The following MECOM variants were observed in gnomAD, a reference collection of about 807,000 sequenced individuals.
MECOM encodes the protein MDS1 and EVI1 complex locus.
Under a neutral mutation model 116.3 loss-of-function variants are expected in MECOM, and 13 were observed. The ratio of observed to expected loss-of-function variants is 0.11; its 90% CI spans 0.07 to 0.18. MECOM has a LOEUF of 0.18. Among genes scored for constraint, MECOM ranks in the 10% least tolerant of loss-of-function variants. MECOM has a pLI of 1.00. For missense variants in MECOM, 1,299 were observed against 1,509.0 expected, an observed-to-expected ratio of 0.86 and a Z score of 2.31; for synonymous variants, 528 against 535.2, an observed-to-expected ratio of 0.99 and a Z score of 0.19.
intron 1 of MECOM, among the ~76,000 whole-genome samples, chr3:169,518,139 G>A (rs996728853): frequency 2.0e-5 from 3 of 152,022 alleles, no homozygotes; most frequent in Admixed American, 2.0e-4. Flanking sequence ...GGCGCCTGTG[G>A]TTCCAGCTAC....
chr3:169,484,447 A>T (rs1751848320), intron 1 of MECOM, among the ~76,000 whole-genome samples: 1 of 152,152 alleles, frequency 6.6e-6, no homozygotes, highest in African/African-American at 2.4e-5. Flanking sequence ...TCAGCAAAAG[A>T]TATTTATTTC....
At chr3:169,463,420 G>A (rs915958591) in intron 1 of MECOM, among the ~76,000 whole-genome samples, 1 of 152,132 alleles carries the variant, frequency 6.6e-6, no homozygotes, top group Non-Finnish European at 1.5e-5. Flanking sequence ...GTACAAAATG[G>A]AGCTTGGCAT....
chr3:169,609,497 C>T (rs1287197831), intron 1 of MECOM, among the ~76,000 whole-genome samples: 1 of 151,334 alleles, frequency 6.6e-6, no homozygotes, highest in African/African-American at 2.4e-5. Context: ...AAACATAGCC[C>T]AATTTCCAAA....
At chr3:169,550,680 G>T (rs1395147685) in intron 1 of MECOM, among the ~76,000 whole-genome samples, 1 of 152,164 alleles carries the variant, frequency 6.6e-6, no homozygotes, top group African/African-American at 2.4e-5. Context: ...TATACGATTT[G>T]CCACAGCTCA....
chr3:169,641,581 A>T (rs1304625821), intron 1 of MECOM, among the ~76,000 whole-genome samples: 1 of 152,242 alleles, frequency 6.6e-6, no homozygotes, highest in South Asian at 2.1e-4. Flanking sequence ...TTCTATTCAA[A>T]GAAGCTAGAG....
chr3:169,371,148 G>T (rs1201817811), intron 2 of MECOM, among the ~76,000 whole-genome samples: 1 of 151,850 alleles, frequency 6.6e-6, no homozygotes, highest in Non-Finnish European at 1.5e-5. Flanking sequence ...TTAAAATGTG[G>T]TACATACACA....
intron 2 of MECOM, among the ~76,000 whole-genome samples, chr3:169,166,674 T>C (rs1030390729): frequency 1.3e-5 from 2 of 152,204 alleles, no homozygotes; most frequent in African/African-American, 4.8e-5. Context: ...TAACAATAGG[T>C]ATACTGTTTT....
intron 1 of MECOM, among the ~76,000 whole-genome samples, chr3:169,521,832 T>A (rs1402390089): frequency 6.6e-6 from 1 of 152,150 alleles, no homozygotes; most frequent in Non-Finnish European, 1.5e-5. Context: ...CAACCACAGG[T>A]CAAAGCTATT....
chr3:169,360,290 T>TAAAAAAAAA (rs1203615730), intron 2 of MECOM, among the ~76,000 whole-genome samples: 1 of 29,538 alleles, frequency 3.4e-5, no homozygotes, highest in Admixed American at 5.1e-4. Flanking sequence ...TAAAGTATAA[T>TAAAAAAAAA]AAAAAAAAAA....
At chr3:169,357,305 A>T (rs187972065) in intron 2 of MECOM, among the ~76,000 whole-genome samples, 1 of 151,888 alleles carries the variant, frequency 6.6e-6, no homozygotes, top group East Asian at 1.9e-4. Context: ...ACCTTACAGC[A>T]TTTTTCCTAA....
chr3:169,112,734 C>T (rs1350390850), intron 9 of MECOM, 53 bp downstream of exon 9: 5 of 1,372,934 alleles, frequency 3.6e-6, no homozygotes, highest in East Asian at 4.6e-5. Context: ...ACCTGCTTTT[C>T]AGGATCAACA....
At chr3:169,147,090 T>C in intron 2 of MECOM, 1 of 987,356 alleles carries the variant, frequency 1.0e-6, no homozygotes. Flanking sequence ...CTCGGAGCTA[T>C]TCCTTCTGGT....
At chr3:169,255,746 TCTCA>T (rs1465653229) in intron 2 of MECOM, among the ~76,000 whole-genome samples, 1 of 152,148 alleles carries the variant, frequency 6.6e-6, no homozygotes, top group African/African-American at 2.4e-5. Flanking sequence ...AAACATAAAT[TCTCA>T]CTTTCTGAAG....
chr3:169,448,093 A>G, intron 1 of MECOM, among the ~76,000 whole-genome samples: 1 of 152,186 alleles, frequency 6.6e-6, no homozygotes, highest in South Asian at 2.1e-4. Context: ...TATTATAGTG[A>G]TGATGGCAAC....
intron 2 of MECOM, among the ~76,000 whole-genome samples, chr3:169,279,189 A>G (rs372586086): frequency 1.2e-4 from 18 of 152,314 alleles, no homozygotes; most frequent in African/African-American, 4.1e-4. Flanking sequence ...AACCACCACC[A>G]TAATAAACCA....
chr3:169,156,572 A>T (rs2149337886), intron 2 of MECOM, among the ~76,000 whole-genome samples: 1 of 152,346 alleles, frequency 6.6e-6, no homozygotes, highest in South Asian at 2.1e-4. Flanking sequence ...GTAGGTTATC[A>T]GTAAACTCTA....
chr3:169,569,342 G>C (rs990923634), intron 1 of MECOM, among the ~76,000 whole-genome samples: 1 of 152,186 alleles, frequency 6.6e-6, no homozygotes, highest in Non-Finnish European at 1.5e-5. Flanking sequence ...CAAGCTCTTA[G>C]AGACCTACAA....
chr3:169,445,747 A>G (rs1036120854), intron 1 of MECOM, among the ~76,000 whole-genome samples: 2 of 152,228 alleles, frequency 1.3e-5, no homozygotes, highest in South Asian at 4.2e-4. Flanking sequence ...CAGCCCATAA[A>G]AGCAGTCAAG....
At chr3:169,357,139 T>C (rs1727410593) in intron 2 of MECOM, among the ~76,000 whole-genome samples, 1 of 151,866 alleles carries the variant, frequency 6.6e-6, no homozygotes, top group Non-Finnish European at 1.5e-5. Context: ...CAATACCCAC[T>C]AGTAATCATT....
Sources: allele counts gnomAD v4.1 joint callset (sites outside exome capture counted in the v4.1 genomes callset), GRCh38; gene constraint gnomAD v4.1.1; transcripts MANE v1.5; gene names NCBI Gene and HGNC (gene_info 2026-07-23, HGNC 2026-07-21).